Variants in NFIA observed in about 807,000 individuals in gnomAD.
NFIA encodes the protein nuclear factor I A, also known as nuclear factor 1 A-type.
NFIA carries 8 observed loss-of-function variants against 62.8 expected under a neutral mutation model. The observed-to-expected ratio is 0.13, with a 90% confidence interval of 0.07 to 0.23. NFIA has a LOEUF of 0.23. NFIA is among the 10% of genes least tolerant of loss of function. NFIA has a pLI of 1.00. For synonymous variants in NFIA, 235 were observed against 238.1 expected (o/e 0.99, Z 0.12); for missense variants, 410 against 642.1 (o/e 0.64, Z 3.91).
At chr1:61,436,207 A>G (rs1325629352) in intron 10 of NFIA, among the ~76,000 whole-genome samples, 1 of 152,140 alleles carries the variant, frequency 6.6e-6, no homozygotes, top group Non-Finnish European at 1.5e-5. Context: ...ACAGGCAGCA[A>G]TAGGTTCTGG....
chr1:61,376,754 G>T (rs1173240964), intron 6 of NFIA, among the ~76,000 whole-genome samples: 1 of 151,930 alleles, frequency 6.6e-6, no homozygotes, highest in Non-Finnish European at 1.5e-5. Flanking sequence ...ACTACATGAG[G>T]GTTTTATAAA....
chr1:61,379,673 T>G (rs1664322317), intron 6 of NFIA, among the ~76,000 whole-genome samples: 1 of 152,020 alleles, frequency 6.6e-6, no homozygotes, highest in South Asian at 2.1e-4. Flanking sequence ...CCCAAAGTGC[T>G]GGGATTACAG....
chr1:61,143,441 G>C (rs148616446), intron 2 of NFIA, among the ~76,000 whole-genome samples: 1 of 152,228 alleles, frequency 6.6e-6, no homozygotes, highest in Non-Finnish European at 1.5e-5. Context: ...CCAGGCTGGA[G>C]TATAGTGGTG....
At chr1:61,438,677 C>T (rs1013268171) in intron 10 of NFIA, among the ~76,000 whole-genome samples, 3 of 151,860 alleles carry the variant, frequency 2.0e-5, no homozygotes, top group Non-Finnish European at 2.9e-5. Context: ...GGAATCCATA[C>T]GGAGAGCTTC....
intron 2 of NFIA, among the ~76,000 whole-genome samples, chr1:61,143,817 A>G (rs1448233603): frequency 1.3e-5 from 2 of 152,050 alleles, no homozygotes; most frequent in Admixed American, 6.5e-5. Flanking sequence ...TCCTTCCAAT[A>G]TGCCATACCA....
chr1:61,206,953 G>GAAAAA (rs1255923328), intron 2 of NFIA, among the ~76,000 whole-genome samples: 3 of 152,154 alleles, frequency 2.0e-5, no homozygotes. Context: ...AATAAGTAAA[G>GAAAAA]GTACTGTTTA....
chr1:61,295,340 T>C (rs1368942133), intron 3 of NFIA, among the ~76,000 whole-genome samples: 2 of 152,044 alleles, frequency 1.3e-5, no homozygotes, highest in Admixed American at 1.3e-4. Context: ...CGGGTTAGAG[T>C]TGAAGCAAGA....
chr1:61,352,703 G>T, intron 5 of NFIA, 136 bp downstream of exon 5: 1 of 751,394 alleles, frequency 1.3e-6, no homozygotes, highest in Admixed American at 2.3e-5. Flanking sequence ...AGCCCCAAAA[G>T]ACTGTCGGTC....
chr1:61,311,313 C>G (rs1660099842), intron 3 of NFIA, among the ~76,000 whole-genome samples: 1 of 152,102 alleles, frequency 6.6e-6, no homozygotes, highest in Admixed American at 6.5e-5. Flanking sequence ...ATCGCTTGAA[C>G]CCGGGAGGTG....
At chr1:61,364,432 A>G (rs1663475779) in intron 6 of NFIA, among the ~76,000 whole-genome samples, 1 of 152,220 alleles carries the variant, frequency 6.6e-6, no homozygotes, top group African/African-American at 2.4e-5. Flanking sequence ...GGTGCTTTCA[A>G]TAAACTTGAA....
chr1:61,186,590 AT>A (rs1169108508), intron 2 of NFIA, among the ~76,000 whole-genome samples: 2 of 152,218 alleles, frequency 1.3e-5, no homozygotes, highest in African/African-American at 4.8e-5. Flanking sequence ...ATATTAAAGA[AT>A]TATAAAAGAG....
At chr1:61,332,339 A>C (rs1038889203) in intron 3 of NFIA, among the ~76,000 whole-genome samples, 173 bp from the exon 4 acceptor site, 4 of 152,246 alleles carry the variant, frequency 2.6e-5, no homozygotes, top group Admixed American at 2.0e-4. Flanking sequence ...ATTCAAACCA[A>C]AAATCTATCT....
At chr1:61,303,762 C>G (rs1026953921) in intron 3 of NFIA, among the ~76,000 whole-genome samples, 3 of 152,176 alleles carry the variant, frequency 2.0e-5, no homozygotes, top group Non-Finnish European at 2.9e-5. Flanking sequence ...AACAAGGGTC[C>G]AAGTGATGCC....
At chr1:61,328,783 C>T (rs182326704) in intron 3 of NFIA, among the ~76,000 whole-genome samples, 14 of 137,752 alleles carry the variant, frequency 1.0e-4, no homozygotes, top group East Asian at 2.2e-4. Context: ...AGTGCAGTGG[C>T]GCAATCTCAG....
intron 2 of NFIA, among the ~76,000 whole-genome samples, chr1:61,174,753 A>G (rs1317588681): frequency 6.6e-6 from 1 of 152,188 alleles, no homozygotes; most frequent in Non-Finnish European, 1.5e-5. Context: ...ACTATGATGG[A>G]TACATATGCC....
chr1:61,326,978 G>C (rs958313984), intron 3 of NFIA, among the ~76,000 whole-genome samples: 16 of 151,510 alleles, frequency 1.1e-4, no homozygotes, highest in African/African-American at 3.9e-4. Flanking sequence ...AGTTAGTACT[G>C]TACTCTGAAC....
chr1:61,363,946 C>CTT lies in NFIA; in HGVS notation c.946+4673_946+4674insTT, dbSNP rs1288365185. On this transcript the variant is annotated intron_variant, in intron 6 of 10. Coordinates refer to ENST00000403491, the MANE Select transcript of NFIA (RefSeq NM_001134673.4). ...TTTGCTTTCTTTACATCTGCATCTA[C>CTT]TATTTTTTTTTTTTTTCTGAGACAG... 3.3e-4 allele frequency among the ~76,000 whole-genome samples: 26 copies of CTT among 79,950 alleles called. No homozygotes were observed. In the South Asian group the frequency reaches 8.4e-3, roughly 26 times the overall value. The allele number at this position is 79,950 out of a possible 152,430, so 52.5% of individuals were successfully genotyped here. A position where few individuals can be genotyped will look rare whatever the true frequency, so the allele number is the denominator to read the frequency against.
At position 61,082,672 on chromosome 1, in the gene NFIA, T is replaced by TTC. The variant is rs113913435; in HGVS notation, c.-96_-95dup. 9.9e-3 allele frequency: 14,024 copies of TTC among 1,417,012 alleles called. 24 individuals are homozygous for TTC. Among genetic ancestry groups the TTC allele is most frequent in the African/African-American group, 0.031 (2,051 of 66,480 alleles). The allele number at this position is 1,417,012 out of a possible 1,614,324, so 87.8% of individuals were successfully genotyped here. ...AGGCTTGATTTTTTTTTCTCCCCCC[T>TTC]TCTCTCTCTCTCTCTCTCTCTCTCT... On this transcript the variant is annotated 5_prime_UTR_variant, in exon 1 of 11. Transcript: ENST00000403491.
At chr1:61,256,561 T>A (rs1035895261) in intron 2 of NFIA, among the ~76,000 whole-genome samples, 1 of 152,178 alleles carries the variant, frequency 6.6e-6, no homozygotes, top group Non-Finnish European at 1.5e-5. Context: ...CGAGCTTGGT[T>A]TAGTCCCTAA....
Sources: gnomAD v4.1 joint callset for allele counts (sites outside exome capture counted in the v4.1 genomes callset) on GRCh38, gnomAD v4.1.1 for gene constraint, MANE v1.5 for transcripts, NCBI Gene and HGNC (gene_info 2026-07-23, HGNC 2026-07-21) for gene names.